Variants in ANKRD55 observed in about 807,000 individuals in gnomAD.
ANKRD55 encodes ankyrin repeat domain 55.
In ANKRD55, 41 loss-of-function variants were observed where a neutral mutation model predicts 60.6. That is an observed-to-expected ratio of 0.68 (90% CI 0.53 to 0.88). ANKRD55 has a LOEUF of 0.88. Ranked by LOEUF, ANKRD55 falls within the 40% of genes least tolerant of loss-of-function variation. ANKRD55 has a pLI of 0.00. For synonymous variants in ANKRD55, 264 were observed against 290.3 expected (o/e 0.91, Z 0.92); for missense variants, 732 against 767.6 (o/e 0.95, Z 0.55).
chr5:56,159,871 G>C lies in ANKRD55; in HGVS notation c.445C>G (p.Gln149Glu). Residue 149 changes from glutamine (Q) to glutamate (E), a missense_variant, in exon 6 of 12, where the codon CAG becomes GAG. By Grantham distance (29) the Gln-to-Glu change is conservative. Coordinates refer to ENST00000341048, the MANE Select transcript of ANKRD55 (RefSeq NM_024669.3). ...TGATTAATCTCGCTGATGTTCGACT[G>C]TTGCAACAGGACCGTGAGGAGCCTG... ...DMRLLTVLLQ[Q>E]SNISEINHQD... The C allele has an allele frequency of 6.2e-7, 1 of 1,613,924 alleles. No individual in the cohort carries two copies. Among genetic ancestry groups the C allele is most frequent in the Non-Finnish European group, 8.5e-7 (1 of 1,179,848 alleles).
chr5:56,102,922 T>A (rs1430596595), intron 10 of ANKRD55, among the ~76,000 whole-genome samples: 1 of 152,174 alleles, frequency 6.6e-6, no homozygotes, highest in Non-Finnish European at 1.5e-5. Flanking sequence ...ATTCATCAAA[T>A]CTTTGATGAA....
intron 5 of ANKRD55, among the ~76,000 whole-genome samples, chr5:56,166,158 T>TTTCTTCCTTCC (rs1554040812): frequency 0.014 from 1,015 of 72,412 alleles, 66 homozygotes; most frequent in Non-Finnish European, 0.018. Context: ...TTCTTTCTTC[T>TTTCTTCCTTCC]TTCCTTCCTT....
intron 2 of ANKRD55, among the ~76,000 whole-genome samples, chr5:56,204,150 TC>T (rs1217424552): frequency 2.0e-5 from 3 of 152,222 alleles, no homozygotes; most frequent in Admixed American, 2.0e-4. Flanking sequence ...TCTGTTCATA[TC>T]TTTTGCCCAC....
At chr5:56,153,002 T>G (rs1385562008) in intron 6 of ANKRD55, among the ~76,000 whole-genome samples, 2 of 152,122 alleles carry the variant, frequency 1.3e-5, no homozygotes, top group African/African-American at 4.8e-5. Flanking sequence ...TATTTCAAAA[T>G]AGCCAACAGC....
Position 56,173,582 on chromosome 5 carries a change from CTATA to C in ANKRD55, c.312+2566_312+2569del, listed in dbSNP as rs1182603115. Among the ~76,000 whole-genome samples, 423 of 45,218 alleles carry C rather than the reference CTATA, an allele frequency of 9.4e-3. 5 individuals carry two copies. Among genetic ancestry groups the C allele is most frequent in the South Asian group, 0.026 (17 of 644 alleles). The allele number at this position is 45,218 out of a possible 152,430, so 29.7% of individuals were successfully genotyped here. On this transcript the variant is annotated intron_variant, in intron 4 of 11. Coordinates refer to ENST00000341048, the MANE Select transcript of ANKRD55 (RefSeq NM_024669.3). ...TCTCTCTCTCTCTCTCTCTCTCTCT[CTATA>C]TATATATATATATATATATATCTTG...
chr5:56,110,233 CA>C (rs11445540), intron 10 of ANKRD55, among the ~76,000 whole-genome samples: 27,893 of 113,804 alleles, frequency 0.25, 3,023 homozygotes, highest in Middle Eastern at 0.41. Context: ...TCCATCTCTA[CA>C]AAAAAAAAAA....
chr5:56,179,790 T>C (rs916451880), intron 3 of ANKRD55, among the ~76,000 whole-genome samples: 8 of 152,182 alleles, frequency 5.3e-5, no homozygotes, highest in Non-Finnish European at 7.4e-5. Flanking sequence ...CATTGTCTTG[T>C]CCTGGGTGGT....
At chr5:56,145,329 G>A (rs1452281805) in intron 6 of ANKRD55, among the ~76,000 whole-genome samples, 1 of 152,206 alleles carries the variant, frequency 6.6e-6, no homozygotes, top group Admixed American at 6.5e-5. Context: ...TGTGGACAGA[G>A]GAGATGGAAA....
intron 6 of ANKRD55, among the ~76,000 whole-genome samples, chr5:56,145,904 A>G (rs1757884284): frequency 6.6e-6 from 1 of 152,224 alleles, no homozygotes. Context: ...TCTTATTCCA[A>G]TAGCTGAATA....
intron 7 of ANKRD55, chr5:56,137,304 G>A (rs940028152): frequency 3.0e-5 from 47 of 1,548,064 alleles, no homozygotes; most frequent in Non-Finnish European, 2.6e-6. Flanking sequence ...TTTCGATGTA[G>A]ATTATCTGGT....
At chr5:56,166,142 CTTTCTTT>C (rs1561277544) in intron 5 of ANKRD55, among the ~76,000 whole-genome samples, 30 of 93,672 alleles carry the variant, frequency 3.2e-4, no homozygotes, top group African/African-American at 1.5e-3. Flanking sequence ...TTCTTTCTTT[CTTTCTTT>C]CTTTCTTCTT....
chr5:56,166,099 T>TTTCTTTCTTTCTTTCTTTCTTTCTTTC (rs1561277621), intron 5 of ANKRD55, among the ~76,000 whole-genome samples: 21 of 38,158 alleles, frequency 5.5e-4, no homozygotes, highest in African/African-American at 1.4e-3. Context: ...TCTTTCTTTC[T>TTTCTTTCTTTCTTTCTTTCTTTCTTTC]TTCTTTCTTT....
intron 8 of ANKRD55, among the ~76,000 whole-genome samples, chr5:56,119,356 C>T (rs1393230861): frequency 6.6e-6 from 1 of 152,138 alleles, no homozygotes; most frequent in Non-Finnish European, 1.5e-5. Flanking sequence ...CTGTATATTT[C>T]CGCTTACATG....
intron 2 of ANKRD55, among the ~76,000 whole-genome samples, chr5:56,199,763 C>T (rs1312814250): frequency 1.3e-5 from 2 of 151,512 alleles, no homozygotes; most frequent in East Asian, 1.9e-4. Flanking sequence ...TGGTGGCGGG[C>T]GCCTGTAGTC....
intron 9 of ANKRD55, among the ~76,000 whole-genome samples, chr5:56,114,583 T>C (rs1354699594): frequency 6.6e-6 from 1 of 152,240 alleles, no homozygotes; most frequent in East Asian, 1.9e-4. Context: ...GGAAGATCTT[T>C]ATAATTAAGT....
chr5:56,228,091 A>G (rs1341135799), intron 2 of ANKRD55, among the ~76,000 whole-genome samples: 1 of 152,206 alleles, frequency 6.6e-6, no homozygotes, highest in East Asian at 1.9e-4. Context: ...GTGGCCCTAA[A>G]GACATGTTCT....
At chr5:56,153,397 G>C (rs375359066) in intron 6 of ANKRD55, among the ~76,000 whole-genome samples, 139 of 152,188 alleles carry the variant, frequency 9.1e-4, no homozygotes, top group Non-Finnish European at 1.7e-3. Flanking sequence ...CTTGCACAGA[G>C]TATGCAAAGA....
intron 2 of ANKRD55, among the ~76,000 whole-genome samples, chr5:56,189,268 G>A (rs557043565): frequency 2.7e-5 from 4 of 146,132 alleles, no homozygotes; most frequent in African/African-American, 5.1e-5. Context: ...CCAACATCGC[G>A]CCACTGCACT....
At chr5:56,163,959 G>T (rs896462308) in intron 5 of ANKRD55, among the ~76,000 whole-genome samples, 1 of 152,096 alleles carries the variant, frequency 6.6e-6, no homozygotes, top group Non-Finnish European at 1.5e-5. Flanking sequence ...AGGCATGATG[G>T]TGGGCACCTG....
Sources: gnomAD v4.1 joint callset for allele counts (sites outside exome capture counted in the v4.1 genomes callset) on GRCh38, gnomAD v4.1.1 for gene constraint, MANE v1.5 for transcripts, NCBI Gene and HGNC (gene_info 2026-07-23, HGNC 2026-07-21) for gene names.